MYO18B: variants seen among roughly 807,000 people sequenced by gnomAD.
MYO18B encodes the protein unconventional myosin-XVIIIb.
In MYO18B, 204 loss-of-function variants were observed where a neutral mutation model predicts 273.0. The ratio of observed to expected loss-of-function variants is 0.75; its 90% CI spans 0.67 to 0.84. The LOEUF (loss-of-function observed/expected upper bound fraction) is 0.84. MYO18B is among the 40% of genes least tolerant of loss of function. The probability of loss-of-function intolerance (pLI) is 0.00; values close to 1 mark genes in which losing one functional copy is unlikely to be tolerated. For missense variants in MYO18B, 3,212 were observed against 3,287.6 expected (o/e 0.98, Z 0.56); for synonymous variants, 1,330 against 1,305.7 (o/e 1.02, Z -0.40).
intron 18 of MYO18B, among the ~76,000 whole-genome samples, chr22:25,845,555 G>A (rs574536846): frequency 2.4e-4 from 36 of 152,224 alleles, no homozygotes; most frequent in Admixed American, 6.5e-4. Context: ...CGAAAAGCTA[G>A]CATCCTGGCC....
intron 1 of MYO18B, among the ~76,000 whole-genome samples, chr22:25,752,059 C>T (rs1476074813): frequency 6.6e-6 from 1 of 152,172 alleles, no homozygotes; most frequent in Non-Finnish European, 1.5e-5. Flanking sequence ...TGGATGCAGA[C>T]AGCACAGGGG....
chr22:25,996,754 T>G (rs945265260), intron 40 of MYO18B, among the ~76,000 whole-genome samples: 3 of 151,964 alleles, frequency 2.0e-5, no homozygotes, highest in Non-Finnish European at 4.4e-5. Flanking sequence ...GAGCCAGCTG[T>G]GGGAAGGCCT....
At chr22:25,800,235 G>A (rs1441361935) in intron 12 of MYO18B, among the ~76,000 whole-genome samples, 1 of 152,088 alleles carries the variant, frequency 6.6e-6, no homozygotes, top group Admixed American at 6.6e-5. Flanking sequence ...TTGGTACAGT[G>A]TACACCGCTA....
At chr22:25,776,984 T>G (rs1256096557) in intron 7 of MYO18B, among the ~76,000 whole-genome samples, 2 of 152,228 alleles carry the variant, frequency 1.3e-5, no homozygotes, top group Non-Finnish European at 1.5e-5. Flanking sequence ...CATTTAATGG[T>G]ATCTCTTTGC....
rs758935335 is a variant in MYO18B, at chr22:25,946,177, C to T, written c.5558C>T (p.Thr1853Met). The T allele has an allele frequency of 3.5e-5, 56 of 1,578,080 alleles. No homozygotes were observed. Among genetic ancestry groups the T allele is most frequent in the East Asian group, 9.3e-5 (4 of 42,988 alleles). ...SEAKCEEALKTQKVLTADLES... is the reference protein window; with the variant it reads ...SEAKCEEALKMQKVLTADLES... ...GCCAAGTGTGAGGAGGCCTTGAAGA[C>T]GCAGAAGGTGCTCACAGCGGACCTG... Residue 1853 changes from threonine (T) to methionine (M), a missense_variant, in exon 35 of 44, where the codon ACG becomes ATG. Thr to Met is a moderately conservative substitution (Grantham distance 81). Transcript: ENST00000335473.
At chr22:25,816,637 C>G (rs1391010045) in intron 12 of MYO18B, among the ~76,000 whole-genome samples, 2 of 152,160 alleles carry the variant, frequency 1.3e-5, no homozygotes, top group Non-Finnish European at 2.9e-5. Context: ...AATGATATAA[C>G]CTCATTCGTT....
chr22:25,937,825 T>C (rs2092598887), intron 34 of MYO18B, among the ~76,000 whole-genome samples: 1 of 152,190 alleles, frequency 6.6e-6, no homozygotes, highest in Non-Finnish European at 1.5e-5. Flanking sequence ...CCTCAGGTGA[T>C]CTGCATGCCT....
At chr22:26,062,069 G>T in the MYO18B span, among the ~76,000 whole-genome samples, 3 of 152,136 alleles carry the variant, frequency 2.0e-5, no homozygotes, top group Non-Finnish European at 4.4e-5. Context: ...TCATCTCATG[G>T]GGCTTAGGAT....
At chr22:25,845,476 C>A (rs990388024) in intron 18 of MYO18B, among the ~76,000 whole-genome samples, 3 of 152,120 alleles carry the variant, frequency 2.0e-5, no homozygotes, top group Non-Finnish European at 4.4e-5. Flanking sequence ...GAGATTGCAC[C>A]GCTGCACTCC....
chr22:25,930,047 T>C (rs1345292685), intron 34 of MYO18B, among the ~76,000 whole-genome samples: 4 of 152,170 alleles, frequency 2.6e-5, no homozygotes, highest in African/African-American at 9.7e-5. Context: ...CTTGGTGTCC[T>C]CTGCACCTGC....
intron 42 of MYO18B, among the ~76,000 whole-genome samples, 162 bp from the exon 43 acceptor site, chr22:26,026,283 G>T (rs1401196372): frequency 6.6e-6 from 1 of 152,188 alleles, no homozygotes; most frequent in African/African-American, 2.4e-5. Flanking sequence ...TACATGGCTT[G>T]AATTTGCACA....
At position 25,787,287 on chromosome 22, in the gene MYO18B, C is replaced by CAA. The variant is rs1357294559; in HGVS notation, c.2376+1797_2376+1798insAA. On this transcript the variant is annotated intron_variant, in intron 11 of 43. Transcript: ENST00000335473. ...GCAGGCGCGCGCACACACACACACA[C>CAA]ACACACACACACACACACACACAGT... is the stretch of plus-strand genomic sequence containing the variant. 8.7e-4 allele frequency among the ~76,000 whole-genome samples: 68 copies of CAA among 78,200 alleles called. No individual in the cohort carries two copies. The Admixed American group carries it at 9.6e-3, about 11-fold the overall frequency. The allele number at this position is 78,200 out of a possible 152,430, so 51.3% of individuals were successfully genotyped here. A position where few individuals can be genotyped will look rare whatever the true frequency, so the allele number is the denominator to read the frequency against.
chr22:26,039,575 A>G, the MYO18B span, among the ~76,000 whole-genome samples: 19,763 of 151,940 alleles, frequency 0.13, 1,742 homozygotes, highest in African/African-American at 0.24. Context: ...ACAGCCTCCT[A>G]CACACCTGTG....
intron 12 of MYO18B, among the ~76,000 whole-genome samples, chr22:25,815,821 C>A (rs2088974872): frequency 6.6e-6 from 1 of 152,246 alleles, no homozygotes; most frequent in Non-Finnish European, 1.5e-5. Flanking sequence ...GTTGCTCCAA[C>A]TGATTTGTCC....
intron 11 of MYO18B, among the ~76,000 whole-genome samples, chr22:25,788,026 G>C (rs1462629870): frequency 2.6e-5 from 4 of 152,190 alleles, no homozygotes; most frequent in African/African-American, 9.6e-5. Flanking sequence ...TTAACAGTCT[G>C]CATAAAGCCA....
intron 42 of MYO18B, among the ~76,000 whole-genome samples, chr22:26,011,588 T>TAA (rs1934927990): frequency 6.6e-6 from 1 of 152,210 alleles, no homozygotes; most frequent in Non-Finnish European, 1.5e-5. Context: ...GGAAACTTAT[T>TAA]AAAGTGTTTG....
chr22:25,993,286 C>T (rs1172633020), intron 40 of MYO18B, among the ~76,000 whole-genome samples: 1 of 152,148 alleles, frequency 6.6e-6, no homozygotes, highest in Non-Finnish European at 1.5e-5. Flanking sequence ...CTTATTGCTT[C>T]TCTAGGAACC....
intron 42 of MYO18B, among the ~76,000 whole-genome samples, chr22:26,019,735 AGAACGGGGG>A (rs1362691970): frequency 1.3e-5 from 2 of 152,198 alleles, no homozygotes; most frequent in African/African-American, 4.8e-5. Context: ...GAGTGGATGA[AGAACGGGGG>A]GTGACAGCAC....
At chr22:25,914,167 AT>A (rs536857916) in intron 33 of MYO18B, among the ~76,000 whole-genome samples, 16 of 151,834 alleles carry the variant, frequency 1.1e-4, no homozygotes, top group Non-Finnish European at 2.2e-4. Flanking sequence ...TTTCTCCACC[AT>A]ATGGTCTTCA....
Sources: allele counts gnomAD v4.1 joint callset (sites outside exome capture counted in the v4.1 genomes callset), GRCh38; gene constraint gnomAD v4.1.1; transcripts MANE v1.5; gene names NCBI Gene and HGNC (gene_info 2026-07-23, HGNC 2026-07-21).